The following GRIK2 variants were observed in gnomAD, a reference collection of about 807,000 sequenced individuals.
GRIK2 encodes glutamate ionotropic receptor kainate type subunit 2.
GRIK2 carries 32 observed loss-of-function variants against 100.3 expected under a neutral mutation model. The ratio of observed to expected loss-of-function variants is 0.32; its 90% CI spans 0.24 to 0.43. The LOEUF (loss-of-function observed/expected upper bound fraction) is 0.43, where lower values mean the gene tolerates loss of function less well. Among genes scored for constraint, GRIK2 ranks in the 20% least tolerant of loss-of-function variants. The pLI is 1.00. For missense variants in GRIK2, 843 were observed against 1,114.9 expected (o/e 0.76, Z 3.47); for synonymous variants, 417 against 389.4 (o/e 1.07, Z -0.83).
chr6:101,442,752 A>G (rs935603711), intron 2 of GRIK2, among the ~76,000 whole-genome samples: 3 of 152,146 alleles, frequency 2.0e-5, no homozygotes, highest in African/African-American at 7.2e-5. Context: ...GCCGTAGCCA[A>G]TACATAAATG....
chr6:102,051,969 T>C (rs1200608735), intron 15 of GRIK2, among the ~76,000 whole-genome samples: 4 of 152,186 alleles, frequency 2.6e-5, no homozygotes, highest in African/African-American at 9.6e-5. Context: ...TACAGATTCA[T>C]GTGGGAGTTT....
chr6:101,913,390 C>T (rs75677950), intron 12 of GRIK2, among the ~76,000 whole-genome samples: 10,663 of 151,510 alleles, frequency 0.07, 940 homozygotes, highest in African/African-American at 0.21. Context: ...TAACACTGAA[C>T]AAAGTGCTAA....
intron 7 of GRIK2, among the ~76,000 whole-genome samples, chr6:101,796,349 G>A (rs1381734104): frequency 2.6e-5 from 4 of 152,126 alleles, no homozygotes; most frequent in Non-Finnish European, 5.9e-5. Context: ...ACATATTTGT[G>A]AGAATAAGAG....
intron 16 of GRIK2, among the ~76,000 whole-genome samples, chr6:102,058,010 A>T (rs1281807545): frequency 6.6e-6 from 1 of 151,874 alleles, no homozygotes; most frequent in Non-Finnish European, 1.5e-5. Context: ...AATGAAAAAA[A>T]ATGTGACTCA....
intron 7 of GRIK2, among the ~76,000 whole-genome samples, chr6:101,755,754 A>T (rs569684851): frequency 1.3e-3 from 200 of 152,300 alleles, no homozygotes; most frequent in African/African-American, 4.7e-3. Flanking sequence ...ATGCAGCACT[A>T]TAGTAACATT....
chr6:102,039,783 T>G (rs1169195959), intron 15 of GRIK2, among the ~76,000 whole-genome samples: 1 of 151,514 alleles, frequency 6.6e-6, no homozygotes, highest in Non-Finnish European at 1.5e-5. Context: ...CCAGTTGGTA[T>G]TATTTTGCTT....
chr6:101,557,399 C>T (rs1776799281), intron 2 of GRIK2, among the ~76,000 whole-genome samples: 1 of 152,144 alleles, frequency 6.6e-6, no homozygotes, highest in East Asian at 1.9e-4. Context: ...TAAACTAGTT[C>T]ATGGTTTATA....
At chr6:101,479,111 G>GT (rs1261509408) in intron 2 of GRIK2, among the ~76,000 whole-genome samples, 1 of 152,064 alleles carries the variant, frequency 6.6e-6, no homozygotes, top group African/African-American at 2.4e-5. Context: ...TAAAAACTTG[G>GT]TTTTACACAA....
intron 9 of GRIK2, among the ~76,000 whole-genome samples, chr6:101,812,469 A>G (rs904343667): frequency 6.6e-6 from 1 of 151,966 alleles, no homozygotes; most frequent in African/African-American, 2.4e-5. Context: ...AGATGAGGAA[A>G]ATAAAACATT....
intron 7 of GRIK2, among the ~76,000 whole-genome samples, chr6:101,779,867 ATC>A (rs199696205): frequency 4.0e-5 from 6 of 150,908 alleles, no homozygotes; most frequent in African/African-American, 7.4e-5. Flanking sequence ...GGAGAGATAA[ATC>A]TCTCTCTCTA....
At chr6:101,867,799 A>G (rs2128446898) in intron 11 of GRIK2, among the ~76,000 whole-genome samples, 1 of 151,358 alleles carries the variant, frequency 6.6e-6, no homozygotes, top group South Asian at 2.1e-4. Flanking sequence ...GCTGTGATGT[A>G]TTCTGAGAAT....
At chr6:101,869,268 C>G (rs1785239702) in intron 11 of GRIK2, among the ~76,000 whole-genome samples, 2 of 151,938 alleles carry the variant, frequency 1.3e-5, no homozygotes, top group Middle Eastern at 3.4e-3. Flanking sequence ...GGAGAATTAA[C>G]ATAAAGAAAG....
chr6:101,713,813 C>T (rs1057457951), intron 7 of GRIK2, among the ~76,000 whole-genome samples: 1 of 151,696 alleles, frequency 6.6e-6, no homozygotes, highest in Non-Finnish European at 1.5e-5. Context: ...TATCTCTATA[C>T]TGAAGCAAAA....
In GRIK2 at chr6:101,912,101, A is replaced by C. The variant is rs62419323; in HGVS notation, c.1749-12500A>C. Among the ~76,000 whole-genome samples, 40 of 17,610 alleles carry C rather than the reference A, an allele frequency of 2.3e-3. 1 individual carries two copies. The East Asian group carries it at 0.047, about 21-fold the overall frequency. 11.6% of individuals were successfully genotyped at this position (17,610 alleles called of 152,430 possible). A position where few individuals can be genotyped will look rare whatever the true frequency, so the allele number is the denominator to read the frequency against. ...ACACAGACACAAACACACACACACA[A>C]ACACACACACAGAGACCGAGAGAGA... is the stretch of plus-strand genomic sequence containing the variant. On this transcript the variant is annotated intron_variant, in intron 12 of 16. Transcript: ENST00000369134.
At chr6:101,517,656 C>G (rs1240645828) in intron 2 of GRIK2, among the ~76,000 whole-genome samples, 1 of 152,090 alleles carries the variant, frequency 6.6e-6, no homozygotes, top group South Asian at 2.1e-4. Context: ...TTCCATCAGG[C>G]AATAGACAAG....
intron 2 of GRIK2, among the ~76,000 whole-genome samples, chr6:101,467,628 G>T (rs1456612910): frequency 6.6e-6 from 1 of 152,034 alleles, no homozygotes; most frequent in East Asian, 1.9e-4. Flanking sequence ...AGAAAAGAGG[G>T]CAAAAATTTG....
At chr6:101,573,345 G>A (rs1777645685) in intron 2 of GRIK2, among the ~76,000 whole-genome samples, 1 of 152,158 alleles carries the variant, frequency 6.6e-6, no homozygotes, top group African/African-American at 2.4e-5. Context: ...AGATTGCTCA[G>A]GAGCAGATTT....
chr6:101,517,765 G>T (rs964494997), intron 2 of GRIK2, among the ~76,000 whole-genome samples: 2 of 152,130 alleles, frequency 1.3e-5, no homozygotes, highest in African/African-American at 2.4e-5. Context: ...CTTCTACAGT[G>T]GTGTGCAACA....
chr6:101,895,631 C>T (rs745814201), intron 12 of GRIK2, among the ~76,000 whole-genome samples: 4 of 151,740 alleles, frequency 2.6e-5, no homozygotes, highest in Non-Finnish European at 4.4e-5. Flanking sequence ...AACTAATCCG[C>T]TGTCAAAACG....
Sources: gnomAD v4.1 joint callset for allele counts (sites outside exome capture counted in the v4.1 genomes callset) on GRCh38, gnomAD v4.1.1 for gene constraint, MANE v1.5 for transcripts, NCBI Gene and HGNC (gene_info 2026-07-23, HGNC 2026-07-21) for gene names.